The following BCAR3 variants were observed in gnomAD, a reference collection of about 807,000 sequenced individuals.
The protein encoded by BCAR3 is breast cancer anti-estrogen resistance protein 3.
BCAR3 carries 37 observed loss-of-function variants against 80.1 expected under a neutral mutation model. The ratio of observed to expected loss-of-function variants is 0.46; its 90% CI spans 0.36 to 0.61. BCAR3 has a LOEUF of 0.61. Among genes scored for constraint, BCAR3 ranks in the 20% least tolerant of loss-of-function variants. The pLI is 0.00. For synonymous variants in BCAR3, 389 were observed against 418.9 expected (o/e 0.93, Z 0.87); for missense variants, 978 against 1,068.2 (o/e 0.92, Z 1.18).
chr1:93,650,346 T>C (rs750918656), intron 2 of BCAR3, among the ~76,000 whole-genome samples: 114 of 152,202 alleles, frequency 7.5e-4, no homozygotes, highest in Non-Finnish European at 1.2e-3. Context: ...AATTATGCCA[T>C]TGCACACCAA....
At chr1:93,618,920 G>A (rs970912774) in intron 3 of BCAR3, among the ~76,000 whole-genome samples, 10 of 145,958 alleles carry the variant, frequency 6.9e-5, no homozygotes, top group South Asian at 2.1e-4. Context: ...GCCTGAAGCC[G>A]TGGGTTTTTT....
At chr1:93,707,528 G>A (rs191616864) in intron 2 of BCAR3, among the ~76,000 whole-genome samples, 231 of 152,170 alleles carry the variant, frequency 1.5e-3, no homozygotes, top group African/African-American at 5.3e-3. Context: ...TGGCCAACAT[G>A]GTGAAACCTC....
At chr1:93,822,019 G>C (rs1211680876) in intron 2 of BCAR3, among the ~76,000 whole-genome samples, 2 of 152,154 alleles carry the variant, frequency 1.3e-5, no homozygotes, top group Non-Finnish European at 2.9e-5. Flanking sequence ...GCCAAGCAAG[G>C]TTAGGGAAGC....
chr1:93,655,274 A>G (rs1347925575), intron 2 of BCAR3, among the ~76,000 whole-genome samples: 1 of 152,242 alleles, frequency 6.6e-6, no homozygotes, highest in Non-Finnish European at 1.5e-5. Context: ...GTCCCCCTGC[A>G]GCAGCATGGA....
At chr1:93,657,531 T>C (rs1318388890) in intron 2 of BCAR3, among the ~76,000 whole-genome samples, 1 of 152,128 alleles carries the variant, frequency 6.6e-6, no homozygotes, top group East Asian at 1.9e-4. Flanking sequence ...TAAAAAAGTA[T>C]TGACAAACCA....
At chr1:93,694,030 G>T (rs1649294694) in intron 3 of BCAR3, among the ~76,000 whole-genome samples, 1 of 152,214 alleles carries the variant, frequency 6.6e-6, no homozygotes, top group Non-Finnish European at 1.5e-5. Context: ...AGATTGAGGT[G>T]CAAAGAGAGG....
chr1:93,689,038 C>T (rs1321315778), intron 3 of BCAR3, among the ~76,000 whole-genome samples: 1 of 152,056 alleles, frequency 6.6e-6, no homozygotes, highest in Non-Finnish European at 1.5e-5. Flanking sequence ...GAGCATCTAC[C>T]ATATGGAAAG....
intron 2 of BCAR3, among the ~76,000 whole-genome samples, chr1:93,663,601 G>A (rs1488883758): frequency 1.3e-5 from 2 of 152,192 alleles, no homozygotes; most frequent in Non-Finnish European, 2.9e-5. Flanking sequence ...CAAAGAAGAT[G>A]GAGAACAGGT....
chr1:93,742,811 C>T (rs1651222974), intron 2 of BCAR3, among the ~76,000 whole-genome samples: 1 of 152,070 alleles, frequency 6.6e-6, no homozygotes, highest in Non-Finnish European at 1.5e-5. Context: ...TCAAAAACAA[C>T]AAACAACAAA....
At chr1:93,827,518 G>A (rs990412482) in intron 2 of BCAR3, among the ~76,000 whole-genome samples, 2 of 151,906 alleles carry the variant, frequency 1.3e-5, no homozygotes, top group African/African-American at 4.8e-5. Context: ...GAGGACCAAA[G>A]CATTTTGGAG....
In BCAR3 at chr1:93,589,394, T is replaced by G; in HGVS notation, c.512A>C (p.Asp171Ala). 6.2e-7 allele frequency: 1 copy of G among 1,612,660 alleles called. No homozygotes were observed. Among genetic ancestry groups the G allele is most frequent in the Non-Finnish European group, 8.5e-7 (1 of 1,179,916 alleles). ...AGAGTCACGAACTAGGAAGTCACCATCTCGCTGCACAAGGTTTTCAGACAC... is the reference window on the plus strand; with the variant it reads ...AGAGTCACGAACTAGGAAGTCACCAGCTCGCTGCACAAGGTTTTCAGACAC... ...RQVSENLVQRDGDFLVRDSLS... is the reference protein window; with the variant it reads ...RQVSENLVQRAGDFLVRDSLS... The change falls in exon 5 of 12, where the codon GAT (aspartate) becomes GCT (alanine). Residue 171 changes from aspartate to alanine, a missense_variant. Transcript: ENST00000260502.
intron 3 of BCAR3, chr1:93,594,695 A>C (rs1037306565): frequency 1.3e-5 from 2 of 152,348 alleles, no homozygotes; most frequent in Non-Finnish European, 2.9e-5. Context: ...GGCTTAGCCT[A>C]AATCCCTTGT....
chr1:93,774,589 G>A (rs1310329704), intron 2 of BCAR3, among the ~76,000 whole-genome samples: 1 of 151,962 alleles, frequency 6.6e-6, no homozygotes, highest in Non-Finnish European at 1.5e-5. Flanking sequence ...CCTGTACTGA[G>A]ACAGTTGACC....
rs72721073 is a variant in BCAR3 at position 93,717,390 on chromosome 1, T to C, written c.-62-11248A>G. On this transcript the variant is annotated intron_variant, in intron 2 of 13. Coordinates refer to the BCAR3 transcript ENST00000370244. ...CAGTTTTTTAAGCAGCAAAAGTTAGTTGATTTTGCATTTAGGCCAAGGGCT... is the reference window on the plus strand; with the variant it reads ...CAGTTTTTTAAGCAGCAAAAGTTAGCTGATTTTGCATTTAGGCCAAGGGCT... Among the ~76,000 whole-genome samples the C allele has an allele frequency of 7.8e-3, 1,181 of 152,250 alleles. 15 individuals are homozygous for C. Among genetic ancestry groups the C allele is most frequent in the Non-Finnish European group, 9.6e-3 (655 of 68,010 alleles).
chr1:93,724,926 G>C (rs989060680), intron 2 of BCAR3, among the ~76,000 whole-genome samples: 6 of 152,202 alleles, frequency 3.9e-5, no homozygotes, highest in Non-Finnish European at 5.9e-5. Flanking sequence ...AGGGGTTTCA[G>C]TACTTGAAAC....
intron 2 of BCAR3, among the ~76,000 whole-genome samples, chr1:93,767,687 G>C (rs2818162): frequency 6.6e-6 from 1 of 151,854 alleles, no homozygotes; most frequent in Non-Finnish European, 1.5e-5. Flanking sequence ...TCTGATTTTC[G>C]GTATGAAAAT....
intron 3 of BCAR3, among the ~76,000 whole-genome samples, chr1:93,640,132 C>T (rs1490078604): frequency 6.6e-6 from 1 of 152,146 alleles, no homozygotes; most frequent in Non-Finnish European, 1.5e-5. Context: ...AACTCTCTCA[C>T]CTCCCTTGAT....
chr1:93,842,727 C>T (rs1327964548), intron 2 of BCAR3, among the ~76,000 whole-genome samples: 2 of 152,198 alleles, frequency 1.3e-5, no homozygotes, highest in East Asian at 1.9e-4. Context: ...TGCCCCTACC[C>T]CTTTTGCCGT....
Position 93,618,592 on chromosome 1 carries a change from C to A in BCAR3, c.357+23712G>T, listed in dbSNP as rs182876977. Among the ~76,000 whole-genome samples the A allele has an allele frequency of 1.6e-3, 239 of 152,288 alleles. 1 individual carries two copies. Among genetic ancestry groups the A allele is most frequent in the African/African-American group, 4.9e-3 (205 of 41,580 alleles). On this transcript the variant is annotated intron_variant, in intron 3 of 11. Coordinates refer to ENST00000260502, the MANE Select transcript of BCAR3 (RefSeq NM_003567.4). The stretch of plus-strand genomic sequence containing the variant: ...CTTACGCTATCACACACAATTCTGC[C>A]CCATTCACCTCTCTACCACTACCAC...
Sources: allele counts gnomAD v4.1 joint callset (sites outside exome capture counted in the v4.1 genomes callset), GRCh38; gene constraint gnomAD v4.1.1; transcripts MANE v1.5; gene names NCBI Gene and HGNC (gene_info 2026-07-23, HGNC 2026-07-21).